The following RABGAP1L variants were observed in gnomAD, a reference collection of about 807,000 sequenced individuals.
RABGAP1L encodes rab GTPase-activating protein 1-like.
A neutral mutation model predicts 137.7 loss-of-function variants in RABGAP1L; 63 were observed. The ratio of observed to expected loss-of-function variants is 0.46; its 90% CI spans 0.37 to 0.56. The LOEUF (loss-of-function observed/expected upper bound fraction) is 0.56, where lower values mean the gene tolerates loss of function less well. RABGAP1L is among the 20% of genes least tolerant of loss of function. The pLI is 0.00. For synonymous variants in RABGAP1L, 431 were observed against 433.7 expected, an observed-to-expected ratio of 0.99 and a Z score of 0.08; for missense variants, 1,095 against 1,244.0, an observed-to-expected ratio of 0.88 and a Z score of 1.80.
chr1:174,227,044 A>T (rs1158177513), intron 3 of RABGAP1L, among the ~76,000 whole-genome samples: 1 of 152,170 alleles, frequency 6.6e-6, no homozygotes, highest in Non-Finnish European at 1.5e-5. Flanking sequence ...AAATTTTAGT[A>T]TCCATAATTA....
Position 174,254,492 on chromosome 1 carries a change from C to T in RABGAP1L, c.986+1902C>T, listed in dbSNP as rs150377832. On this transcript the variant is annotated intron_variant, in intron 7 of 25. Coordinates refer to ENST00000681986, the MANE Select transcript of RABGAP1L (RefSeq NM_001366446.1). The stretch of plus-strand genomic sequence containing the variant: ...TCCTAATGCTCTCCCTTCCCTTGCC[C>T]CCGAACCCTGACAGGCCCCGGTGTA... 2.9e-3 allele frequency among the ~76,000 whole-genome samples: 435 copies of T among 152,186 alleles called. 8 individuals are homozygous for T. The highest frequency in any genetic ancestry group is 5.6e-4 in the Non-Finnish European group (38 of 68,006).
At chr1:174,985,850 T>G (rs1407106385) in intron 24 of RABGAP1L, among the ~76,000 whole-genome samples, 2 of 152,222 alleles carry the variant, frequency 1.3e-5, no homozygotes, top group African/African-American at 4.8e-5. Flanking sequence ...TTGGTGTCAT[T>G]AGTAACCCAA....
chr1:174,409,157 C>T (rs995705919), intron 13 of RABGAP1L, among the ~76,000 whole-genome samples: 10 of 152,064 alleles, frequency 6.6e-5, no homozygotes, highest in Non-Finnish European at 1.3e-4. Context: ...GGACCCCGAA[C>T]GGAGGGACCA....
intron 19 of RABGAP1L, among the ~76,000 whole-genome samples, chr1:174,910,875 A>G (rs1659946726): frequency 6.6e-6 from 1 of 152,218 alleles, no homozygotes; most frequent in Admixed American, 6.5e-5. Flanking sequence ...AGGAACCACC[A>G]TACTGTTTTC....
chr1:174,194,905 A>C (rs568236244), intron 1 of RABGAP1L, among the ~76,000 whole-genome samples: 1 of 152,300 alleles, frequency 6.6e-6, no homozygotes, highest in East Asian at 1.9e-4. Flanking sequence ...TTTACATTGA[A>C]TCACAAGTGA....
chr1:174,206,404 G>C (rs998699134), intron 1 of RABGAP1L, among the ~76,000 whole-genome samples: 1 of 152,100 alleles, frequency 6.6e-6, no homozygotes, highest in South Asian at 2.1e-4. Context: ...TTTTTTCCTG[G>C]ATTGGCTCAG....
intron 13 of RABGAP1L, among the ~76,000 whole-genome samples, chr1:174,582,515 G>T (rs1399508790): frequency 6.6e-6 from 1 of 152,058 alleles, no homozygotes; most frequent in Non-Finnish European, 1.5e-5. Flanking sequence ...TGAGGCGAGA[G>T]AAATTACTTG....
intron 24 of RABGAP1L, among the ~76,000 whole-genome samples, chr1:174,987,158 T>C (rs920173725): frequency 6.6e-6 from 1 of 152,052 alleles, no homozygotes; most frequent in Non-Finnish European, 1.5e-5. Flanking sequence ...AGCTCAGACA[T>C]GTCAGAGGAA....
chr1:174,163,634 C>G (rs1379005079), intron 1 of RABGAP1L, among the ~76,000 whole-genome samples: 1 of 148,288 alleles, frequency 6.7e-6, no homozygotes, highest in Non-Finnish European at 1.5e-5. Context: ...AACCCAACAA[C>G]AACACAATTC....
chr1:174,644,009 A>T (rs1336012224), intron 14 of RABGAP1L, among the ~76,000 whole-genome samples: 3 of 151,876 alleles, frequency 2.0e-5, no homozygotes, highest in African/African-American at 4.8e-5. Flanking sequence ...CAAGATTTCA[A>T]AATCATTTAT....
intron 13 of RABGAP1L, among the ~76,000 whole-genome samples, chr1:174,621,593 G>A (rs1232014684): frequency 1.3e-5 from 2 of 152,154 alleles, no homozygotes; most frequent in African/African-American, 2.4e-5. Context: ...AGAAAAACAA[G>A]CAATGGGGAA....
chr1:174,602,863 G>T (rs761372251), intron 13 of RABGAP1L, among the ~76,000 whole-genome samples: 2 of 152,054 alleles, frequency 1.3e-5, no homozygotes, highest in Non-Finnish European at 2.9e-5. Flanking sequence ...TTGTCTTGAA[G>T]TTTGTTGTGC....
At chr1:174,886,169 C>T (rs76881580) in intron 19 of RABGAP1L, among the ~76,000 whole-genome samples, 1 of 151,832 alleles carries the variant, frequency 6.6e-6, no homozygotes, top group African/African-American at 2.4e-5. Context: ...TGCACCACCA[C>T]GCCTGGGTAA....
In RABGAP1L at chr1:174,991,295, AAACC is replaced by A. The variant is rs1672035697; in HGVS notation, c.*1301_*1304del. Reference sequence around the variant, plus strand: ...TATTTTGGAGGCCTCTGATCCTTTCAAACCAACCAAACTACTATTAGATATGTAC... The same window carrying A: ...TATTTTGGAGGCCTCTGATCCTTTCAAACCAAACTACTATTAGATATGTAC... On this transcript the variant is annotated 3_prime_UTR_variant, in exon 26 of 26. Transcript: ENST00000681986. 6.6e-6 allele frequency: 1 copy of A among 152,236 alleles called. No homozygotes were observed. Among genetic ancestry groups the A allele is most frequent in the Admixed American group, 6.5e-5 (1 of 15,290 alleles). The allele number at this position is 152,236 out of a possible 1,614,324, so 9.4% of individuals were successfully genotyped here.
intron 11 of RABGAP1L, among the ~76,000 whole-genome samples, chr1:174,357,760 G>A (rs566121857): frequency 6.6e-6 from 1 of 152,218 alleles, no homozygotes; most frequent in South Asian, 2.1e-4. Flanking sequence ...TTCCTGAGTT[G>A]GGTAAAGAAA....
chr1:174,162,846 G>A (rs1664610476), intron 1 of RABGAP1L, among the ~76,000 whole-genome samples: 1 of 117,684 alleles, frequency 8.5e-6, no homozygotes, highest in Non-Finnish European at 1.6e-5. Flanking sequence ...CATTGTGCAG[G>A]TTAGTTACAT....
intron 11 of RABGAP1L, among the ~76,000 whole-genome samples, chr1:174,352,257 CT>C (rs1045375585): frequency 4.0e-5 from 6 of 151,858 alleles, no homozygotes; most frequent in Admixed American, 1.3e-4. Context: ...CTTTTTTATT[CT>C]TTTTTTCTTT....
chr1:174,294,001 A>C (rs923595602), intron 10 of RABGAP1L, among the ~76,000 whole-genome samples: 1 of 152,100 alleles, frequency 6.6e-6, no homozygotes, highest in African/African-American at 2.4e-5. Flanking sequence ...TAGACATCCT[A>C]GGTTTGTATC....
rs536337518 is a variant in RABGAP1L, at chr1:174,525,270, T to C, written c.1711-112105T>C. 7.2e-5 allele frequency among the ~76,000 whole-genome samples: 11 copies of C among 152,300 alleles called. No individual in the cohort carries two copies. In the East Asian group the frequency reaches 2.1e-3, roughly 29 times the overall value. On this transcript the variant is annotated intron_variant, in intron 13 of 25. Transcript: ENST00000681986. ...TAACAATACTAATTATTCTGATCCA[T>C]GAGCATGGGTTGTCTTTCCATTTGT...
Sources: allele counts gnomAD v4.1 joint callset (sites outside exome capture counted in the v4.1 genomes callset), GRCh38; gene constraint gnomAD v4.1.1; transcripts MANE v1.5; gene names NCBI Gene and HGNC (gene_info 2026-07-23, HGNC 2026-07-21).